AKAP8: variants seen among roughly 807,000 people sequenced by gnomAD.
The protein encoded by AKAP8 is A-kinase anchor protein 8.
In AKAP8, 24 loss-of-function variants were observed where a neutral mutation model predicts 67.5. The observed-to-expected ratio is 0.36, with a 90% CI of 0.26 to 0.50. The LOEUF (loss-of-function observed/expected upper bound fraction) is 0.50. Among genes scored for constraint, AKAP8 ranks in the 20% least tolerant of loss-of-function variants. The pLI is 0.97. For missense variants in AKAP8, 971 were observed against 955.9 expected (o/e 1.02, Z -0.21); for synonymous variants, 400 against 371.1 (o/e 1.08, Z -0.90).
At chr19:15,357,926 G>GC (rs1966906313) in intron 13 of AKAP8, among the ~76,000 whole-genome samples, 1 of 151,550 alleles carries the variant, frequency 6.6e-6, no homozygotes, top group African/African-American at 2.4e-5. Flanking sequence ...AAAGTGATCC[G>GC]CCCACCCCAG....
At chr19:15,367,426 G>T (rs1967088449) in intron 9 of AKAP8, among the ~76,000 whole-genome samples, 1 of 152,178 alleles carries the variant, frequency 6.6e-6, no homozygotes, top group Non-Finnish European at 1.5e-5. Flanking sequence ...TACTCGGGAG[G>T]CTGAGGCAGG....
Position 15,361,595 on chromosome 19 carries a change from G to A in AKAP8, c.1396+134C>T, listed in dbSNP as rs1046276212. ...CCTTGATCTCCTGACCTCATGATCCGCCTGCCTCAGCCTCCCAAAGTGCTG... is the reference window on the plus strand; with the variant it reads ...CCTTGATCTCCTGACCTCATGATCCACCTGCCTCAGCCTCCCAAAGTGCTG... On this transcript the variant is annotated intron_variant, in intron 11 of 13. Coordinates refer to ENST00000269701, the MANE Select transcript of AKAP8 (RefSeq NM_005858.4). 5.4e-5 allele frequency: 37 copies of A among 683,064 alleles called. No homozygotes were observed. Among genetic ancestry groups the A allele is most frequent in the Admixed American group, 9.9e-5 (4 of 40,490 alleles). The allele number at this position is 683,064 out of a possible 1,614,324, so 42.3% of individuals were successfully genotyped here. A position where few individuals can be genotyped will look rare whatever the true frequency, so the allele number is the denominator to read the frequency against.
rs1051305860 is a variant in AKAP8 at position 15,376,967 on chromosome 19, C to T, written c.58+9G>A. 6.2e-7 allele frequency: 1 copy of T among 1,611,800 alleles called. No homozygotes were observed. The highest frequency in any genetic ancestry group is 1.3e-5 in the African/African-American group (1 of 74,842). ...CCCACGCCTCACCCGCAAAGCAGAGCCCACTTACCCTGGGTGTTGGCAGGT... is the reference window on the plus strand; with the variant it reads ...CCCACGCCTCACCCGCAAAGCAGAGTCCACTTACCCTGGGTGTTGGCAGGT... On this transcript the variant is annotated intron_variant, in intron 2 of 13. Transcript: ENST00000269701.
intron 9 of AKAP8, among the ~76,000 whole-genome samples, chr19:15,367,786 G>A (rs1479798187): frequency 6.6e-6 from 1 of 152,196 alleles, no homozygotes. Context: ...AAACTCCAGG[G>A]GTGGTCTGGA....
chr19:15,370,938 C>G (rs955943116), intron 7 of AKAP8, among the ~76,000 whole-genome samples: 3 of 152,096 alleles, frequency 2.0e-5, no homozygotes, highest in Non-Finnish European at 4.4e-5. Flanking sequence ...CCTATATTTA[C>G]CCGATGTCTT....
chr19:15,360,125 A>C (rs1307160713), intron 12 of AKAP8, among the ~76,000 whole-genome samples: 1 of 152,062 alleles, frequency 6.6e-6, no homozygotes, highest in African/African-American at 2.4e-5. Flanking sequence ...ACAAGAGTGA[A>C]ACTCCGTAAA....
At position 15,359,122 on chromosome 19, in the gene AKAP8, C is replaced by T. The variant is rs144355605; in HGVS notation, c.1528-60G>A. Reference sequence around the variant, plus strand: ...GGCAAAGATTAAGGAAGAGAATAAACCAGCCAGGCTCTGCCGAGTCATCCT... The same window carrying T: ...GGCAAAGATTAAGGAAGAGAATAAATCAGCCAGGCTCTGCCGAGTCATCCT... On this transcript the variant is annotated intron_variant, in intron 12 of 13. Coordinates refer to ENST00000269701, the MANE Select transcript of AKAP8 (RefSeq NM_005858.4). 1.5e-4 allele frequency: 217 copies of T among 1,493,174 alleles called. 1 individual carries two copies. In the East Asian group the frequency reaches 4.8e-3, roughly 33 times the overall value. 92.5% of individuals were successfully genotyped at this position (1,493,174 alleles called of 1,614,324 possible).
chr19:15,372,822 C>A (rs749633337), intron 5 of AKAP8, 29 bp downstream of exon 5: 5 of 1,479,060 alleles, frequency 3.4e-6, no homozygotes, highest in Non-Finnish European at 4.5e-6. Context: ...GAAGCGAAGG[C>A]GGCCGGAAGG....
chr19:15,358,580 A>G (rs1409507968), intron 13 of AKAP8, among the ~76,000 whole-genome samples: 2 of 152,104 alleles, frequency 1.3e-5, no homozygotes, highest in African/African-American at 4.8e-5. Flanking sequence ...TGGTAACACC[A>G]TCACTCACTG....
At chr19:15,362,036 C>T in intron 10 of AKAP8, 74 bp downstream of exon 10, 2 of 1,575,664 alleles carry the variant, frequency 1.3e-6, no homozygotes. Context: ...CTCTGATTTC[C>T]CTTCCTCCTT....
chr19:15,377,499 T>C (rs1967273329), intron 1 of AKAP8, among the ~76,000 whole-genome samples: 2 of 152,206 alleles, frequency 1.3e-5, no homozygotes, highest in African/African-American at 4.8e-5. Flanking sequence ...GGCGGGGTCT[T>C]GCTCTGTTGC....
In AKAP8 at chr19:15,363,718, C is replaced by T. The variant is rs554557602; in HGVS notation, c.1161-1467G>A. ...ATGGCGGTTTTGTGGAATAGAAAGG[C>T]GGGAAAGGTGGGGAAAAGATTGAGA... is the stretch of plus-strand genomic sequence containing the variant. On this transcript the variant is annotated intron_variant, in intron 9 of 13. Transcript: ENST00000269701. Among the ~76,000 whole-genome samples, 12 of 152,168 alleles carry T rather than the reference C, an allele frequency of 7.9e-5. No individual in the cohort carries two copies. The South Asian group carries it at 1.0e-3, about 13-fold the overall frequency.
intron 3 of AKAP8, 66 bp downstream of exon 3, chr19:15,374,537 C>T (rs1229747573): frequency 1.3e-6 from 2 of 1,574,768 alleles, no homozygotes; most frequent in Non-Finnish European, 1.7e-6. Flanking sequence ...GACGGGCTGA[C>T]CCGCCTGGCC....
In AKAP8 at chr19:15,354,945, T is replaced by TGCATCAGTTTGTTC. The variant is rs1406032209; in HGVS notation, c.2035_2048dup (p.Glu684AsnfsTer27). Reference sequence around the variant, plus strand: ...CTGTGGGAACAGCGTCTTTAGACTCTGCATCAGTTTGTTCCACTTCAGCAT... The same window carrying TGCATCAGTTTGTTC: ...CTGTGGGAACAGCGTCTTTAGACTCTGCATCAGTTTGTTCGCATCAGTTTGTTCCACTTCAGCAT... On this transcript the variant is annotated frameshift_variant, in exon 14 of 14. Transcript: ENST00000269701. LOFTEE classifies it high-confidence loss of function. 6.2e-7 allele frequency: 1 copy of TGCATCAGTTTGTTC among 1,614,078 alleles called. No homozygotes were observed. The highest frequency in any genetic ancestry group is 1.7e-5 in the Admixed American group (1 of 60,010).
At chr19:15,358,237 G>A (rs1455081742) in intron 13 of AKAP8, among the ~76,000 whole-genome samples, 1 of 152,096 alleles carries the variant, frequency 6.6e-6, no homozygotes, top group African/African-American at 2.4e-5. Flanking sequence ...TCGATATGCT[G>A]CTCCCATCAT....
chr19:15,373,943 C>G lies in AKAP8; in HGVS notation c.214G>C (p.Ala72Pro). The change falls in exon 4 of 14, where the codon GCC becomes CCC. Residue 72 changes from alanine (A) to proline (P), a missense_variant. By Grantham distance (27) the Ala-to-Pro change is conservative. Transcript: ENST00000269701. ...TAAGAGGCCATGTGCATGGCAGGGG[C>G]CCCGGCCGCCAGGCCGCCATCATTG... Reference protein sequence around the residue: ...KANDGGLAAGAPAMHMASYGP... With the variant: ...KANDGGLAAGPPAMHMASYGP... 6 of 1,613,704 alleles carry G rather than the reference C, an allele frequency of 3.7e-6. No individual in the cohort carries two copies. The highest frequency in any genetic ancestry group is 5.1e-6 in the Non-Finnish European group (6 of 1,179,836).
At chr19:15,372,821 G>C in intron 5 of AKAP8, 30 bp downstream of exon 5, 2 of 1,479,338 alleles carry the variant, frequency 1.4e-6, no homozygotes, top group Non-Finnish European at 9.0e-7. Context: ...AGAAGCGAAG[G>C]CGGCCGGAAG....
intron 1 of AKAP8, 95 bp from the exon 2 acceptor site, chr19:15,377,109 T>G: frequency 7.0e-7 from 1 of 1,425,696 alleles, no homozygotes; most frequent in Admixed American, 2.0e-5. Flanking sequence ...TACAGTTCAG[T>G]GCCAGCCTTA....
chr19:15,353,585 C>G lies in AKAP8; in HGVS notation c.*1330G>C, dbSNP rs1429534997. 6.6e-6 allele frequency: 1 copy of G among 152,016 alleles called. No homozygotes were observed. Among genetic ancestry groups the G allele is most frequent in the Non-Finnish European group, 1.5e-5 (1 of 68,004 alleles). 9.4% of individuals were successfully genotyped at this position (152,016 alleles called of 1,614,324 possible). A position where few individuals can be genotyped will look rare whatever the true frequency, so the allele number is the denominator to read the frequency against. On this transcript the variant is annotated 3_prime_UTR_variant, in exon 14 of 14. Coordinates refer to ENST00000269701, the MANE Select transcript of AKAP8 (RefSeq NM_005858.4). Reference sequence around the variant, plus strand: ...TGTTGACTTTTTCATAAATATTCACCTGGAATCTCCACTAAGGCTCCTCAT... The same window carrying G: ...TGTTGACTTTTTCATAAATATTCACGTGGAATCTCCACTAAGGCTCCTCAT...
Sources: gnomAD v4.1 joint callset for allele counts (sites outside exome capture counted in the v4.1 genomes callset) on GRCh38, gnomAD v4.1.1 for gene constraint, MANE v1.5 for transcripts, NCBI Gene and HGNC (gene_info 2026-07-23, HGNC 2026-07-21) for gene names.